PTPN9: variants seen among roughly 807,000 people sequenced by gnomAD.
PTPN9 encodes protein tyrosine phosphatase non-receptor type 9.
In PTPN9, 26 loss-of-function variants were observed where a neutral mutation model predicts 69.8. The ratio of observed to expected loss-of-function variants is 0.37; its 90% CI spans 0.27 to 0.52. The LOEUF (loss-of-function observed/expected upper bound fraction) is 0.52, where lower values mean the gene tolerates loss of function less well. Ranked by LOEUF, PTPN9 falls within the 20% of genes least tolerant of loss-of-function variation. The pLI is 0.91. For synonymous variants in PTPN9, 274 were observed against 272.5 expected (o/e 1.01, Z -0.05); for missense variants, 549 against 740.3 (o/e 0.74, Z 3.00).
chr15:75,477,991 C>T (rs1263913333), intron 9 of PTPN9, among the ~76,000 whole-genome samples: 2 of 152,016 alleles, frequency 1.3e-5, no homozygotes, highest in African/African-American at 2.4e-5. Flanking sequence ...CAGGCACCCA[C>T]CACCACACCT....
chr15:75,568,885 C>A (rs955892215), intron 1 of PTPN9, among the ~76,000 whole-genome samples: 1 of 152,070 alleles, frequency 6.6e-6, no homozygotes, highest in African/African-American at 2.4e-5. Flanking sequence ...GAAGCTAACT[C>A]GGTTAGGTTC....
At chr15:75,521,435 G>C (rs1318397287) in intron 4 of PTPN9, among the ~76,000 whole-genome samples, 1 of 149,670 alleles carries the variant, frequency 6.7e-6, no homozygotes, top group Non-Finnish European at 1.5e-5. Flanking sequence ...CTGGGGGACA[G>C]ACCGAGACTC....
chr15:75,471,368 T>C (rs527477109), intron 10 of PTPN9, among the ~76,000 whole-genome samples: 13 of 152,174 alleles, frequency 8.5e-5, no homozygotes, highest in Admixed American at 2.6e-4. Context: ...ACACATCTAC[T>C]GGTATGTTAG....
chr15:75,490,202 G>A lies in PTPN9; in HGVS notation c.1062+6C>T. On this transcript the variant is annotated splice_donor_region_variant and intron_variant, in intron 8 of 12. Coordinates refer to ENST00000618819, the MANE Select transcript of PTPN9 (RefSeq NM_002833.4). ...GCACCTAAAAAGATTACATTTATCTGTCTACCTGAGTATGGCCACTTCGCT... is the reference window on the plus strand; with the variant it reads ...GCACCTAAAAAGATTACATTTATCTATCTACCTGAGTATGGCCACTTCGCT... 6.3e-7 allele frequency: 1 copy of A among 1,592,270 alleles called. No individual in the cohort carries two copies.
In PTPN9 at chr15:75,482,593, A is replaced by G. The variant is rs1011918482; in HGVS notation, c.1063-2679T>C. Among the ~76,000 whole-genome samples, 47 of 116,240 alleles carry G rather than the reference A, an allele frequency of 4.0e-4. No individual in the cohort carries two copies. In the East Asian group the frequency reaches 8.0e-3, roughly 20 times the overall value. 76.3% of individuals were successfully genotyped at this position (116,240 alleles called of 152,430 possible). A position where few individuals can be genotyped will look rare whatever the true frequency, so the allele number is the denominator to read the frequency against. On this transcript the variant is annotated intron_variant, in intron 8 of 12. Transcript: ENST00000618819. The stretch of plus-strand genomic sequence containing the variant: ...AAAAAAAAAAAAAAAAAAAAAAAAG[A>G]GTCATCACCAATCCCTAATCTCAAG...
chr15:75,574,349 G>A (rs1008024575), intron 1 of PTPN9, among the ~76,000 whole-genome samples: 1 of 151,992 alleles, frequency 6.6e-6, no homozygotes, highest in African/African-American at 2.4e-5. Flanking sequence ...TTCTTTGCGG[G>A]GCAGGCAGGC....
At chr15:75,504,701 C>T (rs1008600588) in intron 7 of PTPN9, among the ~76,000 whole-genome samples, 7 of 143,380 alleles carry the variant, frequency 4.9e-5, no homozygotes, top group African/African-American at 1.8e-4. Flanking sequence ...GGGGGTCAGC[C>T]CCCCGCCCGG....
intron 5 of PTPN9, among the ~76,000 whole-genome samples, chr15:75,510,759 T>C (rs1321326409): frequency 1.3e-5 from 2 of 152,170 alleles, no homozygotes; most frequent in Non-Finnish European, 2.9e-5. Flanking sequence ...ATTTTAAGTG[T>C]ACAATTATTG....
intron 1 of PTPN9, among the ~76,000 whole-genome samples, chr15:75,562,104 T>G (rs1289264033): frequency 6.6e-6 from 1 of 152,128 alleles, no homozygotes; most frequent in Non-Finnish European, 1.5e-5. Flanking sequence ...CCTCTCGCCT[T>G]GGCTTCCCAC....
intron 4 of PTPN9, among the ~76,000 whole-genome samples, chr15:75,518,712 G>A (rs1235179583): frequency 6.6e-6 from 1 of 151,846 alleles, no homozygotes; most frequent in Admixed American, 6.6e-5. Flanking sequence ...AACTACTTGG[G>A]AGGCTGAGGC....
At chr15:75,539,446 TG>T (rs2074999006) in intron 1 of PTPN9, among the ~76,000 whole-genome samples, 1 of 150,876 alleles carries the variant, frequency 6.6e-6, no homozygotes, top group East Asian at 2.0e-4. Context: ...CCCAAGAAGC[TG>T]GGATTACAGG....
At chr15:75,483,226 T>G (rs996411806) in intron 8 of PTPN9, among the ~76,000 whole-genome samples, 4 of 152,232 alleles carry the variant, frequency 2.6e-5, no homozygotes, top group African/African-American at 9.6e-5. Flanking sequence ...ATTCCACTCC[T>G]TAGCAAAATA....
intron 7 of PTPN9, among the ~76,000 whole-genome samples, chr15:75,494,579 C>G (rs1176460023): frequency 2.6e-5 from 4 of 151,976 alleles, no homozygotes; most frequent in African/African-American, 9.7e-5. Flanking sequence ...TCTTGAACTC[C>G]TCACCTCAGG....
chr15:75,477,865 GA>G (rs1177885659), intron 9 of PTPN9, among the ~76,000 whole-genome samples: 1 of 114,148 alleles, frequency 8.8e-6, no homozygotes, highest in Non-Finnish European at 1.7e-5. Flanking sequence ...TTTTGAGACA[GA>G]GCCTTCCTCT....
chr15:75,486,715 G>A lies in PTPN9; in HGVS notation c.1062+3493C>T, dbSNP rs576094837. Among the ~76,000 whole-genome samples the A allele has an allele frequency of 1.1e-3, 167 of 151,046 alleles. 1 individual carries two copies. Among genetic ancestry groups the A allele is most frequent in the East Asian group, 7.8e-4 (4 of 5,154 alleles). ...AAGGTATTGTATACTTGAAAATTGC[G>A]GACAGCATATTTTAAGTGTTTTCAC... On this transcript the variant is annotated intron_variant, in intron 8 of 12. Transcript: ENST00000618819.
intron 1 of PTPN9, among the ~76,000 whole-genome samples, chr15:75,531,467 T>A (rs1022721733): frequency 6.6e-6 from 1 of 151,742 alleles, no homozygotes; most frequent in Non-Finnish European, 1.5e-5. Context: ...AGCATCAAAA[T>A]GAGGAAAGAT....
chr15:75,541,897 G>A (rs528871708), intron 1 of PTPN9, among the ~76,000 whole-genome samples: 11 of 151,846 alleles, frequency 7.2e-5, no homozygotes, highest in Non-Finnish European at 1.2e-4. Context: ...AATTAGCTGG[G>A]AGTGGTGGCG....
chr15:75,499,640 G>A (rs867315192), intron 7 of PTPN9, among the ~76,000 whole-genome samples: 1 of 151,662 alleles, frequency 6.6e-6, no homozygotes, highest in Non-Finnish European at 1.5e-5. Context: ...TCTTGACCTC[G>A]TGATCTGCCA....
chr15:75,527,310 A>G (rs1280869925), intron 1 of PTPN9, 49 bp from the exon 2 acceptor site: 1 of 1,596,906 alleles, frequency 6.3e-7, no homozygotes, highest in Non-Finnish European at 8.6e-7. Flanking sequence ...GAGCATATTT[A>G]TGGAGTCAAA....
Sources: gnomAD v4.1 joint callset for allele counts (sites outside exome capture counted in the v4.1 genomes callset) on GRCh38, gnomAD v4.1.1 for gene constraint, MANE v1.5 for transcripts, NCBI Gene and HGNC (gene_info 2026-07-23, HGNC 2026-07-21) for gene names.